The following TRIO variants were observed in gnomAD, a reference collection of about 807,000 sequenced individuals.
TRIO encodes the protein trio Rho guanine nucleotide exchange factor.
TRIO carries 58 observed loss-of-function variants against 351.9 expected under a neutral mutation model. That is an observed-to-expected ratio of 0.16 (90% confidence interval 0.13 to 0.21). TRIO has a LOEUF of 0.21. Ranked by LOEUF, TRIO falls within the 10% of genes least tolerant of loss-of-function variation. The probability of loss-of-function intolerance (pLI) is 1.00; values close to 1 mark genes in which losing one functional copy is unlikely to be tolerated. For synonymous variants in TRIO, 1,758 were observed against 1,595.7 expected, an observed-to-expected ratio of 1.10 and a Z score of -2.42; for missense variants, 3,201 against 4,027.8, an observed-to-expected ratio of 0.79 and a Z score of 5.56.
Position 14,366,843 on chromosome 5 carries a change from C to T in TRIO, c.2755-17C>T, listed in dbSNP as rs1198968066. 6.2e-7 allele frequency: 1 copy of T among 1,614,056 alleles called. No individual in the cohort carries two copies. Among genetic ancestry groups the T allele is most frequent in the East Asian group, 2.2e-5 (1 of 44,874 alleles). On this transcript the variant is annotated splice_polypyrimidine_tract_variant and intron_variant, in intron 15 of 56. Coordinates refer to ENST00000344204, the MANE Select transcript of TRIO (RefSeq NM_007118.4). ...TGGGAAGTCCACTGCTTGGAGTTAT[C>T]CTGTGTAATGTTTCAGGTGCTGGGT...
chr5:14,293,248 T>C (rs1005120477), intron 6 of TRIO, 114 bp downstream of exon 6: 2 of 1,432,414 alleles, frequency 1.4e-6, no homozygotes, highest in Admixed American at 2.0e-5. Flanking sequence ...GGCTGTTGAT[T>C]GTAGCAGCTG....
intron 1 of TRIO, among the ~76,000 whole-genome samples, chr5:14,255,638 T>G (rs1035931911): frequency 6.6e-6 from 1 of 152,224 alleles, no homozygotes; most frequent in African/African-American, 2.4e-5. Context: ...AAATGAGACA[T>G]CTCGAGGATG....
chr5:14,479,424 A>G (rs1755349945), intron 42 of TRIO, 74 bp downstream of exon 42: 12 of 1,375,806 alleles, frequency 8.7e-6, no homozygotes, highest in Non-Finnish European at 1.2e-5. Flanking sequence ...TGAAAGTATC[A>G]TTGGTTTCCC....
chr5:14,397,115 A>C lies in TRIO; in HGVS notation c.4384A>C (p.Lys1462Gln). ...DGLEVMLSVPKRANDAMHLSM... is the reference protein window; with the variant it reads ...DGLEVMLSVPQRANDAMHLSM... Reference sequence around the variant, plus strand: ...CCTGGAGGTGATGCTCAGCGTGCCGAAGCGAGCCAATGATGCCATGCACCT... The same window carrying C: ...CCTGGAGGTGATGCTCAGCGTGCCGCAGCGAGCCAATGATGCCATGCACCT... The change falls in exon 29 of 57, where the codon AAG (lysine) becomes CAG (glutamine). Residue 1462 changes from lysine to glutamine, a missense_variant. Physicochemically the swap from Lys to Gln is moderately conservative, Grantham distance 53. Around this residue, in one of 19 missense-constraint regions of TRIO, gnomAD observed 115 missense variants for 239.6 expected, o/e 0.48. Transcript: ENST00000344204. The C allele has an allele frequency of 1.2e-6, 2 of 1,609,314 alleles. No individual in the cohort carries two copies. Among genetic ancestry groups the C allele is most frequent in the Non-Finnish European group, 1.7e-6 (2 of 1,178,706 alleles).
chr5:14,497,828 T>G lies in TRIO; in HGVS notation c.8020-19T>G, dbSNP rs1307393492. On this transcript the variant is annotated intron_variant, in intron 50 of 56. Transcript: ENST00000344204. The surrounding 1 kb of genome is among the most constrained non-coding windows in gnomAD (Gnocchi z 4.4). ...AGTAGCTCATTTCAGTTAATGCTTG[T>G]TTGCTGTTTCCATTTCAGCTTCTCA... The G allele has an allele frequency of 6.2e-7, 1 of 1,614,222 alleles. No individual in the cohort carries two copies. Among genetic ancestry groups the G allele is most frequent in the Admixed American group, 1.7e-5 (1 of 60,030 alleles).
At chr5:14,386,631 G>A (rs1411837824) in intron 21 of TRIO, among the ~76,000 whole-genome samples, 6 of 152,164 alleles carry the variant, frequency 3.9e-5, no homozygotes, top group Admixed American at 6.5e-5. Flanking sequence ...AATAACCATC[G>A]AAATGGATGT....
chr5:14,409,792 G>C (rs555519133), intron 33 of TRIO, among the ~76,000 whole-genome samples: 5 of 148,096 alleles, frequency 3.4e-5, no homozygotes, highest in African/African-American at 1.2e-4. Flanking sequence ...CCAAGATCAG[G>C]CCACTGCACT....
At chr5:14,453,143 C>G (rs894923651) in intron 34 of TRIO, among the ~76,000 whole-genome samples, 2 of 151,980 alleles carry the variant, frequency 1.3e-5, no homozygotes, top group Non-Finnish European at 2.9e-5. Context: ...AGGAAGCCAT[C>G]TATGTAAGGA....
At chr5:14,460,283 G>C (rs1753677064) in intron 34 of TRIO, among the ~76,000 whole-genome samples, 2 of 152,164 alleles carry the variant, frequency 1.3e-5, no homozygotes, top group South Asian at 4.1e-4. Flanking sequence ...TTCAGCACAT[G>C]TGGTAAGTTT....
At chr5:14,218,115 C>A (rs1459094085) in intron 1 of TRIO, among the ~76,000 whole-genome samples, 4 of 152,110 alleles carry the variant, frequency 2.6e-5, no homozygotes, top group Non-Finnish European at 5.9e-5. Context: ...TTTTAAAATG[C>A]AACTTTTGCA....
intron 11 of TRIO, among the ~76,000 whole-genome samples, chr5:14,344,148 C>T (rs942030418): frequency 6.6e-6 from 1 of 152,176 alleles, no homozygotes; most frequent in African/African-American, 2.4e-5. Flanking sequence ...AATATGTCCA[C>T]CAGCTGGTGA....
In TRIO at chr5:14,320,352, C is replaced by T. The variant is rs114401779; in HGVS notation, c.1731+3609C>T. Among the ~76,000 whole-genome samples the T allele has an allele frequency of 6.3e-3, 959 of 152,248 alleles. 13 individuals carry two copies. The highest frequency in any genetic ancestry group is 0.022 in the African/African-American group (908 of 41,548). ...GACTTGTTTTTCTGCCTCAACTGTT[C>T]GGCTGGCGTGGCTCTTCTTGGATTG... On this transcript the variant is annotated intron_variant, in intron 9 of 56. Transcript: ENST00000344204.
At chr5:14,504,148 G>A (rs978003145) in intron 54 of TRIO, among the ~76,000 whole-genome samples, 1 of 152,258 alleles carries the variant, frequency 6.6e-6, no homozygotes, top group Non-Finnish European at 1.5e-5. Context: ...TGGGAAAGCA[G>A]CCACCGACGT....
In TRIO at chr5:14,507,364, TAGGGACAAAA is replaced by T. The variant is rs965440775; in HGVS notation, c.8751+109_8751+118del. On this transcript the variant is annotated intron_variant, in intron 56 of 56. Transcript: ENST00000344204. The stretch of plus-strand genomic sequence containing the variant: ...GCCAGGCCAGGAGCCCCCAAGTGAC[TAGGGACAAAA>T]AGGGTGGGTGGGGCAGCGCAGACAC... The T allele has an allele frequency of 1.8e-5, 28 of 1,514,798 alleles. No homozygotes were observed. The African/African-American group carries it at 3.1e-4, about 17-fold the overall frequency. 93.8% of individuals were successfully genotyped at this position (1,514,798 alleles called of 1,614,324 possible).
intron 18 of TRIO, among the ~76,000 whole-genome samples, chr5:14,372,211 G>A (rs529351215): frequency 5.8e-5 from 8 of 137,348 alleles, no homozygotes; most frequent in East Asian, 2.5e-4. Flanking sequence ...TTTGAAAGGC[G>A]GAGGGGGGGC....
intron 21 of TRIO, among the ~76,000 whole-genome samples, chr5:14,386,589 T>G (rs1746562274): frequency 6.6e-6 from 1 of 152,200 alleles, no homozygotes; most frequent in Admixed American, 6.5e-5. Context: ...CTCACTTATT[T>G]GAAAACACTA....
intron 48 of TRIO, among the ~76,000 whole-genome samples, chr5:14,491,239 C>A (rs1756459891): frequency 1.3e-5 from 2 of 152,212 alleles, no homozygotes; most frequent in African/African-American, 4.8e-5. Context: ...GCCACCTGCT[C>A]CAGCGTGTAC....
At chr5:14,226,730 G>A (rs1398601635) in intron 1 of TRIO, among the ~76,000 whole-genome samples, 1 of 152,198 alleles carries the variant, frequency 6.6e-6, no homozygotes, top group Non-Finnish European at 1.5e-5. Flanking sequence ...TTAGTCAATT[G>A]CCTTGCTAAC....
At chr5:14,355,394 G>A (rs1416790755) in intron 11 of TRIO, among the ~76,000 whole-genome samples, 2 of 152,180 alleles carry the variant, frequency 1.3e-5, no homozygotes, top group African/African-American at 4.8e-5. Flanking sequence ...TGCTGTTGAC[G>A]TGAAGCCCTC....
Sources: gnomAD v4.1 joint callset for allele counts (sites outside exome capture counted in the v4.1 genomes callset) on GRCh38, gnomAD v4.1.1 for gene constraint, gnomAD v4.1.1 regional missense constraint, Gnocchi (gnomAD v3.1) non-coding constraint, MANE v1.5 for transcripts, NCBI Gene and HGNC (gene_info 2026-07-23, HGNC 2026-07-21) for gene names.